The following MARCHF7 variants were observed in gnomAD, a reference collection of about 807,000 sequenced individuals.
The protein encoded by MARCHF7 is E3 ubiquitin-protein ligase MARCHF7.
A neutral mutation model predicts 76.5 loss-of-function variants in MARCHF7; 20 were observed. That is an observed-to-expected ratio of 0.26 (90% CI 0.18 to 0.38). The LOEUF (loss-of-function observed/expected upper bound fraction) is 0.38. MARCHF7 is among the 10% of genes least tolerant of loss of function. The probability of loss-of-function intolerance (pLI) is 1.00; values close to 1 mark genes in which losing one functional copy is unlikely to be tolerated. For synonymous variants in MARCHF7, 295 were observed against 293.0 expected, an observed-to-expected ratio of 1.01 and a Z score of -0.07; for missense variants, 797 against 812.9, an observed-to-expected ratio of 0.98 and a Z score of 0.24.
At chr2:159,763,991 TA>T (rs1301552651) in intron 10 of MARCHF7, among the ~76,000 whole-genome samples, 1 of 152,196 alleles carries the variant, frequency 6.6e-6, no homozygotes, top group Admixed American at 6.5e-5. Context: ...AAATGATTTC[TA>T]AAAAGGTACC....
At chr2:159,737,218 G>A (rs955807710) in intron 4 of MARCHF7, among the ~76,000 whole-genome samples, 4 of 152,142 alleles carry the variant, frequency 2.6e-5, no homozygotes, top group Non-Finnish European at 4.4e-5. Context: ...TCGATACCAA[G>A]AGAGTGAAAA....
intron 10 of MARCHF7, among the ~76,000 whole-genome samples, chr2:159,763,798 C>G (rs1158683327): frequency 6.6e-6 from 1 of 152,138 alleles, no homozygotes; most frequent in East Asian, 1.9e-4. Context: ...AATACTCCTT[C>G]TAAATTAGTA....
chr2:159,736,856 T>C (rs995672397), intron 4 of MARCHF7, among the ~76,000 whole-genome samples: 2 of 152,246 alleles, frequency 1.3e-5, no homozygotes, highest in East Asian at 1.9e-4. Context: ...AGCTGTCTTA[T>C]TGATGATTTC....
chr2:159,762,223 C>A (rs1314434355), intron 9 of MARCHF7, among the ~76,000 whole-genome samples: 1 of 152,164 alleles, frequency 6.6e-6, no homozygotes, highest in African/African-American at 2.4e-5. Context: ...TTGAGCCTTT[C>A]TTTTGTTCTC....
At chr2:159,726,863 C>T (rs1007333015) in intron 3 of MARCHF7, among the ~76,000 whole-genome samples, 14 of 152,126 alleles carry the variant, frequency 9.2e-5, no homozygotes, top group Non-Finnish European at 1.6e-4. Flanking sequence ...TTTAATGTAT[C>T]TTTTCTCTGT....
chr2:159,745,096 T>A (rs566236493), intron 5 of MARCHF7, among the ~76,000 whole-genome samples: 1 of 152,312 alleles, frequency 6.6e-6, no homozygotes, highest in African/African-American at 2.4e-5. Context: ...CAGCATCACT[T>A]TCATTGACTT....
intron 3 of MARCHF7, among the ~76,000 whole-genome samples, chr2:159,719,913 C>A (rs1177329440): frequency 6.6e-6 from 1 of 152,122 alleles, no homozygotes; most frequent in African/African-American, 2.4e-5. Context: ...TGTCTGTAGT[C>A]GAGATGGATA....
Position 159,768,447 on chromosome 2 carries a change from A to G in MARCHF7, c.*1105A>G, listed in dbSNP as rs927767318. Reference sequence around the variant, plus strand: ...CACCTTAAGGTCTGATGTTATGGCAACAAACTACTTTTTCAAACCTAAATA... The same window carrying G: ...CACCTTAAGGTCTGATGTTATGGCAGCAAACTACTTTTTCAAACCTAAATA... On this transcript the variant is annotated 3_prime_UTR_variant, in exon 12 of 12. Coordinates refer to ENST00000409175, the MANE Select transcript of MARCHF7 (RefSeq NM_001282805.2). The G allele has an allele frequency of 5.2e-5, 8 of 152,618 alleles. No individual in the cohort carries two copies. The highest frequency in any genetic ancestry group is 1.4e-4 in the African/African-American group (6 of 41,452). The allele number at this position is 152,618 out of a possible 1,614,324, so 9.5% of individuals were successfully genotyped here. A position where few individuals can be genotyped will look rare whatever the true frequency, so the allele number is the denominator to read the frequency against.
At chr2:159,718,255 T>C (rs1701257993) in intron 3 of MARCHF7, among the ~76,000 whole-genome samples, 1 of 152,246 alleles carries the variant, frequency 6.6e-6, no homozygotes, top group African/African-American at 2.4e-5. Flanking sequence ...TTGGCTGATG[T>C]GCAAAAATTA....
chr2:159,767,807 T>G lies in MARCHF7; in HGVS notation c.*465T>G, dbSNP rs1432490820. The G allele has an allele frequency of 6.6e-6, 1 of 152,558 alleles. No individual in the cohort carries two copies. Among genetic ancestry groups the G allele is most frequent in the Non-Finnish European group, 1.5e-5 (1 of 67,998 alleles). The allele number at this position is 152,558 out of a possible 1,614,324, so 9.5% of individuals were successfully genotyped here. ...AAAATGCCTTAAGTTGCAGTCTCAT[T>G]TTGATAATCATTTGCTTCCAGTGTT... is the stretch of plus-strand genomic sequence containing the variant. On this transcript the variant is annotated 3_prime_UTR_variant, in exon 12 of 12. Transcript: ENST00000409175.
chr2:159,743,078 A>G lies in MARCHF7; in HGVS notation c.171A>G (p.Ala57=), dbSNP rs1560010183. 1 of 1,613,722 alleles carries G rather than the reference A, an allele frequency of 6.2e-7. No homozygotes were observed. The highest frequency in any genetic ancestry group is 1.1e-5 in the South Asian group (1 of 90,980). Residue 57 remains alanine, a synonymous_variant, in exon 5 of 12, where the codon GCA becomes GCG. Coordinates refer to ENST00000409175, the MANE Select transcript of MARCHF7 (RefSeq NM_001282805.2). ...DSEYQSTSAS[A]SASPFQSAWY... is the part of the protein sequence containing the mutation. ...ACTCACAGTCTACATCAGCATCAGC[A>G]TCTGCGTCACCATTTCAATCTGCAT... is the stretch of plus-strand genomic sequence containing the variant.
intron 5 of MARCHF7, among the ~76,000 whole-genome samples, chr2:159,744,373 T>A (rs1022324360): frequency 5.3e-5 from 8 of 152,146 alleles, no homozygotes; most frequent in African/African-American, 1.9e-4. Context: ...TACTAACCAC[T>A]CTGGGATTTG....
intron 4 of MARCHF7, among the ~76,000 whole-genome samples, chr2:159,735,750 A>G (rs969299802): frequency 3.3e-5 from 5 of 152,082 alleles, no homozygotes; most frequent in African/African-American, 1.2e-4. Context: ...GGTTGTTTCT[A>G]CCTTCTGACT....
chr2:159,722,003 G>A (rs1701691491), intron 3 of MARCHF7, among the ~76,000 whole-genome samples: 1 of 152,158 alleles, frequency 6.6e-6, no homozygotes, highest in African/African-American at 2.4e-5. Context: ...AGAAGGAAAA[G>A]ACCATTTCAT....
chr2:159,744,791 T>C (rs903118454), intron 5 of MARCHF7, among the ~76,000 whole-genome samples: 5 of 152,218 alleles, frequency 3.3e-5, no homozygotes, highest in African/African-American at 9.6e-5. Flanking sequence ...ATAAATACTC[T>C]AGGCCATTTC....
At chr2:159,763,097 CT>C in intron 10 of MARCHF7, 104 bp downstream of exon 10, 1 of 555,782 alleles carries the variant, frequency 1.8e-6, no homozygotes, top group Non-Finnish European at 3.0e-6. Context: ...CTTTGGGAAG[CT>C]TTTATTTTTT....
At chr2:159,728,495 A>T (rs1305849366) in intron 3 of MARCHF7, among the ~76,000 whole-genome samples, 1 of 152,244 alleles carries the variant, frequency 6.6e-6, no homozygotes, top group African/African-American at 2.4e-5. Context: ...TAGTAGTATC[A>T]AAAGTATGTA....
At position 159,770,730 on chromosome 2, in the gene MARCHF7, A is replaced by G. The variant is rs1708118066; in HGVS notation, c.*3388A>G. On this transcript the variant is annotated 3_prime_UTR_variant, in exon 12 of 12. Coordinates refer to ENST00000409175, the MANE Select transcript of MARCHF7 (RefSeq NM_001282805.2). Reference sequence around the variant, plus strand: ...TACAATTGTCTGCAGTATTCAGCACAGTAACATGCTGTGTAGGTTTGGGAC... The same window carrying G: ...TACAATTGTCTGCAGTATTCAGCACGGTAACATGCTGTGTAGGTTTGGGAC... 1 of 152,214 alleles carries G rather than the reference A, an allele frequency of 6.6e-6. No individual in the cohort carries two copies. Among genetic ancestry groups the G allele is most frequent in the Non-Finnish European group, 1.5e-5 (1 of 68,020 alleles). 9.4% of individuals were successfully genotyped at this position (152,214 alleles called of 1,614,324 possible).
intron 3 of MARCHF7, among the ~76,000 whole-genome samples, chr2:159,724,380 G>A (rs2125346320): frequency 6.6e-6 from 1 of 152,144 alleles, no homozygotes; most frequent in African/African-American, 2.4e-5. Flanking sequence ...ATGCTCTTAT[G>A]TAGTCTTGAG....
Sources: allele counts gnomAD v4.1 joint callset (sites outside exome capture counted in the v4.1 genomes callset), GRCh38; gene constraint gnomAD v4.1.1; transcripts MANE v1.5; gene names NCBI Gene and HGNC (gene_info 2026-07-23, HGNC 2026-07-21).